The following AFAP1 variants were observed in gnomAD, a reference collection of about 807,000 sequenced individuals.
The protein encoded by AFAP1 is actin filament associated protein 1, also known as actin filament-associated protein 1.
Under a neutral mutation model 93.9 loss-of-function variants are expected in AFAP1, and 75 were observed. The ratio of observed to expected loss-of-function variants is 0.80; its 90% CI spans 0.66 to 0.97. The LOEUF is 0.97. Among genes scored for constraint, AFAP1 ranks in the 50% least tolerant of loss-of-function variants. The pLI is 0.00. For missense variants in AFAP1, 1,201 were observed against 1,050.8 expected (o/e 1.14, Z -1.98); for synonymous variants, 517 against 430.7 (o/e 1.20, Z -2.48).
At chr4:7,842,301 C>CAAAAAAAAAAAAAAAAAAAAAAAA (rs57050150) in intron 5 of AFAP1, among the ~76,000 whole-genome samples, 1 of 94,898 alleles carries the variant, frequency 1.1e-5, no homozygotes. Context: ...CCTGGATTTA[C>CAAAAAAAAAAAAAAAAAAAAAAAA]AAAAAAAAAA....
intron 1 of AFAP1, among the ~76,000 whole-genome samples, chr4:7,879,906 C>T (rs980258653): frequency 3.9e-5 from 6 of 152,184 alleles, no homozygotes; most frequent in South Asian, 4.2e-4. Flanking sequence ...CTAAATTGAT[C>T]GGCCTGCCTC....
chr4:7,839,665 C>T (rs1017133339), intron 5 of AFAP1, among the ~76,000 whole-genome samples: 3 of 152,100 alleles, frequency 2.0e-5, no homozygotes, highest in African/African-American at 7.2e-5. Context: ...CTAAAGATTT[C>T]GACTGGTAAG....
chr4:7,836,821 T>C (rs1214367884), intron 6 of AFAP1, among the ~76,000 whole-genome samples: 1 of 147,900 alleles, frequency 6.8e-6, no homozygotes, highest in African/African-American at 2.5e-5. Flanking sequence ...TCAGTGAATA[T>C]ACCAAAAAAA....
At chr4:7,899,169 C>G (rs981044441) in intron 1 of AFAP1, among the ~76,000 whole-genome samples, 3 of 151,966 alleles carry the variant, frequency 2.0e-5, no homozygotes, top group Non-Finnish European at 4.4e-5. Flanking sequence ...ATGGAACATG[C>G]TGCTAAGACA....
At chr4:7,791,991 C>T (rs1267497296) in intron 11 of AFAP1, among the ~76,000 whole-genome samples, 2 of 152,080 alleles carry the variant, frequency 1.3e-5, no homozygotes, top group Non-Finnish European at 2.9e-5. Flanking sequence ...GTTTGTAAAC[C>T]CAGTTAATGT....
At chr4:7,798,558 TG>T (rs1323225390) in intron 10 of AFAP1, among the ~76,000 whole-genome samples, 1 of 152,258 alleles carries the variant, frequency 6.6e-6, no homozygotes, top group Non-Finnish European at 1.5e-5. Flanking sequence ...ATGTGTCACT[TG>T]TAAGTGAAGT....
intron 13 of AFAP1, 103 bp from the exon 14 acceptor site, chr4:7,778,979 T>C (rs763137855): frequency 3.8e-5 from 34 of 887,944 alleles, no homozygotes; most frequent in Non-Finnish European, 5.2e-5. Flanking sequence ...CTAAGTATTG[T>C]AGAAACTGGC....
At chr4:7,794,879 T>C (rs1049793859) in intron 10 of AFAP1, among the ~76,000 whole-genome samples, 2 of 152,188 alleles carry the variant, frequency 1.3e-5, no homozygotes, top group East Asian at 1.9e-4. Context: ...TTAGTGGTAT[T>C]TGAAATCTTT....
intron 11 of AFAP1, among the ~76,000 whole-genome samples, chr4:7,787,133 T>C (rs906757056): frequency 1.2e-4 from 19 of 152,254 alleles, no homozygotes; most frequent in African/African-American, 4.3e-4. Context: ...TGAGAGCTGG[T>C]TGCCAGGGAA....
chr4:7,852,678 C>G (rs981600542), intron 4 of AFAP1, among the ~76,000 whole-genome samples: 14 of 151,988 alleles, frequency 9.2e-5, no homozygotes, highest in Non-Finnish European at 1.3e-4. Flanking sequence ...ACCGGGAATA[C>G]AAAAGGGGCA....
intron 6 of AFAP1, among the ~76,000 whole-genome samples, chr4:7,834,128 C>CACACACACATATAT (rs756961714): frequency 8.4e-6 from 1 of 119,426 alleles, no homozygotes; most frequent in African/African-American, 3.9e-5. Context: ...CACACACACA[C>CACACACACATATAT]ATATATACAA....
chr4:7,864,525 C>T (rs1716193720), intron 3 of AFAP1, among the ~76,000 whole-genome samples: 2 of 152,170 alleles, frequency 1.3e-5, no homozygotes, highest in South Asian at 4.1e-4. Context: ...GCTAGCTTAA[C>T]CAAAGCTCTA....
intron 16 of AFAP1, among the ~76,000 whole-genome samples, chr4:7,769,401 T>A (rs561740044): frequency 6.6e-6 from 1 of 152,302 alleles, no homozygotes; most frequent in South Asian, 2.1e-4. Flanking sequence ...GCCCTAGAGA[T>A]GCTCAGGTAG....
intron 16 of AFAP1, among the ~76,000 whole-genome samples, chr4:7,771,512 A>G (rs994601305): frequency 8.5e-5 from 13 of 152,202 alleles, no homozygotes; most frequent in African/African-American, 3.1e-4. Context: ...GATGAGTGGA[A>G]TGAATGAATG....
intron 12 of AFAP1, among the ~76,000 whole-genome samples, chr4:7,784,171 G>A (rs982974782): frequency 1.3e-5 from 2 of 152,156 alleles, no homozygotes; most frequent in Non-Finnish European, 2.9e-5. Flanking sequence ...GGCACCCAGA[G>A]ACACCCCAGG....
At chr4:7,787,684 G>A (rs2148997332) in intron 11 of AFAP1, among the ~76,000 whole-genome samples, 1 of 152,304 alleles carries the variant, frequency 6.6e-6, no homozygotes, top group Admixed American at 6.5e-5. Flanking sequence ...CCTGTGGTGA[G>A]GGAACGGCTC....
intron 1 of AFAP1, among the ~76,000 whole-genome samples, chr4:7,916,119 C>T (rs1346537075): frequency 1.3e-5 from 2 of 152,130 alleles, no homozygotes; most frequent in Non-Finnish European, 2.9e-5. Context: ...ACCAGGAGCA[C>T]CTTGAAATGG....
rs1713817579 is a variant in AFAP1 at position 7,761,649 on chromosome 4, G to A, written c.*2116C>T. ...ACCTCACACAGTTCTCTTTGGCAAA[G>A]CAGGCTGCCAATCAGAGTGGCCCAA... On this transcript the variant is annotated 3_prime_UTR_variant, in exon 18 of 18. Coordinates refer to ENST00000420658, the MANE Select transcript of AFAP1 (RefSeq NM_001134647.2). 6.6e-6 allele frequency: 1 copy of A among 152,254 alleles called. No homozygotes were observed. Among genetic ancestry groups the A allele is most frequent in the Non-Finnish European group, 1.5e-5 (1 of 68,056 alleles). 9.4% of individuals were successfully genotyped at this position (152,254 alleles called of 1,614,324 possible). A position where few individuals can be genotyped will look rare whatever the true frequency, so the allele number is the denominator to read the frequency against.
chr4:7,892,760 C>T (rs1276652669), intron 1 of AFAP1, among the ~76,000 whole-genome samples: 1 of 152,112 alleles, frequency 6.6e-6, no homozygotes, highest in East Asian at 1.9e-4. Flanking sequence ...CCAAACTATT[C>T]CATGACGCAT....
Sources: allele counts gnomAD v4.1 joint callset (sites outside exome capture counted in the v4.1 genomes callset), GRCh38; gene constraint gnomAD v4.1.1; transcripts MANE v1.5; gene names NCBI Gene and HGNC (gene_info 2026-07-23, HGNC 2026-07-21).